Variants in CTXND1 observed in about 807,000 individuals in gnomAD.
CTXND1 encodes the protein cortexin domain-containing 1 protein.
At chr15:80,205,077 AT>A (rs1223057740) in intron 1 of CTXND1, among the ~76,000 whole-genome samples, 1 of 152,190 alleles carries the variant, frequency 6.6e-6, no homozygotes, top group African/African-American at 2.4e-5. Flanking sequence ...ATGTTTATGT[AT>A]TTGTTTTTCT....
At chr15:80,232,558 G>A (rs566793980) in intron 1 of CTXND1, among the ~76,000 whole-genome samples, 7 of 152,224 alleles carry the variant, frequency 4.6e-5, no homozygotes, top group South Asian at 2.1e-4. Flanking sequence ...CAGGAGAGTC[G>A]TCCTGGCACA....
chr15:80,209,180 G>C (rs939982977), intron 1 of CTXND1, among the ~76,000 whole-genome samples: 7 of 152,188 alleles, frequency 4.6e-5, no homozygotes, highest in Admixed American at 4.6e-4. Flanking sequence ...CCTTCTGGGT[G>C]GGGTGAATGC....
At chr15:80,233,648 C>T (rs985674914) in intron 1 of CTXND1, among the ~76,000 whole-genome samples, 40 of 152,270 alleles carry the variant, frequency 2.6e-4, no homozygotes, top group East Asian at 1.9e-4. Flanking sequence ...ACGCCAGGCT[C>T]GGATTCTGCC....
chr15:80,206,115 T>A (rs1250036217), intron 1 of CTXND1, among the ~76,000 whole-genome samples: 10 of 152,232 alleles, frequency 6.6e-5, no homozygotes, highest in Non-Finnish European at 1.3e-4. Context: ...ATTTCATAGT[T>A]ACCCACCTAT....
intron 1 of CTXND1, among the ~76,000 whole-genome samples, chr15:80,220,097 CTCA>C (rs1373339747): frequency 7.2e-6 from 1 of 137,934 alleles, no homozygotes; most frequent in African/African-American, 2.6e-5. Flanking sequence ...CAAATATACT[CTCA>C]TCTATCTATC....
At chr15:80,211,535 C>T (rs931574309) in intron 1 of CTXND1, among the ~76,000 whole-genome samples, 7 of 152,150 alleles carry the variant, frequency 4.6e-5, no homozygotes, top group African/African-American at 1.7e-4. Flanking sequence ...GAACAATTAA[C>T]AGGCCTGTCA....
intron 1 of CTXND1, among the ~76,000 whole-genome samples, chr15:80,204,834 C>T (rs1893132140): frequency 6.6e-6 from 1 of 151,998 alleles, no homozygotes; most frequent in African/African-American, 2.4e-5. Context: ...ATTGCTGGAT[C>T]ATATGGTAAT....
chr15:80,251,239 G>A (rs1385341911), intron 1 of CTXND1, among the ~76,000 whole-genome samples: 1 of 152,122 alleles, frequency 6.6e-6, no homozygotes, highest in Non-Finnish European at 1.5e-5. Context: ...CTTTTGCTGC[G>A]GGCACGGAGA....
At chr15:80,219,719 A>G (rs1893291801) in intron 1 of CTXND1, among the ~76,000 whole-genome samples, 1 of 152,152 alleles carries the variant, frequency 6.6e-6, no homozygotes, top group East Asian at 1.9e-4. Flanking sequence ...TTCTGCCATC[A>G]TGGGGTGTGT....
At chr15:80,250,176 T>A (rs1210498534) in intron 1 of CTXND1, among the ~76,000 whole-genome samples, 2 of 152,240 alleles carry the variant, frequency 1.3e-5, no homozygotes, top group Admixed American at 6.5e-5. Flanking sequence ...GGCCAGGTAG[T>A]GTAAATATTT....
At chr15:80,244,095 A>T (rs998963495) in intron 1 of CTXND1, among the ~76,000 whole-genome samples, 11 of 152,298 alleles carry the variant, frequency 7.2e-5, no homozygotes, top group African/African-American at 2.6e-4. Flanking sequence ...CATCCTGCTC[A>T]CCAAGGAGGT....
chr15:80,237,743 T>C (rs7182259), intron 1 of CTXND1, among the ~76,000 whole-genome samples: 4,030 of 152,274 alleles, frequency 0.026, 171 homozygotes, highest in African/African-American at 0.092. Flanking sequence ...GTGCAGTGGC[T>C]CACGCCTGTA....
At chr15:80,202,314 G>A (rs894713752) in intron 2 of CTXND1, among the ~76,000 whole-genome samples, 6 of 152,134 alleles carry the variant, frequency 3.9e-5, no homozygotes, top group African/African-American at 1.4e-4. Context: ...GCTGAGGGTT[G>A]GGTGGGGATA....
At chr15:80,204,020 G>A (rs1024726423) in intron 1 of CTXND1, among the ~76,000 whole-genome samples, 5 of 150,438 alleles carry the variant, frequency 3.3e-5, no homozygotes, top group African/African-American at 9.8e-5. Context: ...AAGTTTAGCC[G>A]GGCGTGGTGG....
chr15:80,202,674 A>G (rs1231853813), intron 2 of CTXND1, among the ~76,000 whole-genome samples: 1 of 152,354 alleles, frequency 6.6e-6, no homozygotes, highest in Non-Finnish European at 1.5e-5. Context: ...GGAAAACCAC[A>G]GAGGAATAGA....
rs1351309044 is a variant in CTXND1 at position 80,199,474 on chromosome 15, TC to T, written c.*2295del. ...TGTTATTAGCTGACTGGGAGTTGGT[TC>T]TAGTTTGCATTGTAAATGCATGCTG... is the stretch of plus-strand genomic sequence containing the variant. On this transcript the variant is annotated 3_prime_UTR_variant, in exon 3 of 3. Coordinates refer to ENST00000560778, the MANE Select transcript of CTXND1 (RefSeq NM_001352888.2). 1 of 152,236 alleles carries T rather than the reference TC, an allele frequency of 6.6e-6. No homozygotes were observed. The highest frequency in any genetic ancestry group is 6.5e-5 in the Admixed American group (1 of 15,272). The allele number at this position is 152,236 out of a possible 1,614,324, so 9.4% of individuals were successfully genotyped here.
At chr15:80,231,364 TTGCC>T (rs1006060269) in intron 1 of CTXND1, among the ~76,000 whole-genome samples, 74 of 151,794 alleles carry the variant, frequency 4.9e-4, no homozygotes, top group African/African-American at 1.7e-3. Context: ...ACCATCATCT[TTGCC>T]TGCCATTTTT....
At chr15:80,204,247 TA>T (rs1434626605) in intron 1 of CTXND1, among the ~76,000 whole-genome samples, 1 of 141,514 alleles carries the variant, frequency 7.1e-6, no homozygotes, top group Non-Finnish European at 1.5e-5. Context: ...TTTATAAACT[TA>T]AAAAAATGTG....
chr15:80,221,564 CAGAG>C (rs543065509), intron 1 of CTXND1, among the ~76,000 whole-genome samples: 1 of 152,108 alleles, frequency 6.6e-6, no homozygotes, highest in African/African-American at 2.4e-5. Flanking sequence ...GCCTGGGCGA[CAGAG>C]AGAGACCCTG....
Sources: allele counts gnomAD v4.1 joint callset (sites outside exome capture counted in the v4.1 genomes callset), GRCh38; gene constraint gnomAD v4.1.1; transcripts MANE v1.5; gene names NCBI Gene and HGNC (gene_info 2026-07-23, HGNC 2026-07-21).